Variants in MYLK observed in about 807,000 individuals in gnomAD.
The protein encoded by MYLK is myosin light chain kinase, smooth muscle.
In MYLK, 106 loss-of-function variants were observed where a neutral mutation model predicts 203.4. The ratio of observed to expected loss-of-function variants is 0.52; its 90% CI spans 0.45 to 0.61. The LOEUF is 0.61. MYLK is among the 20% of genes least tolerant of loss of function. The probability of loss-of-function intolerance (pLI) is 0.00; values close to 1 mark genes in which losing one functional copy is unlikely to be tolerated. For missense variants in MYLK, 2,072 were observed against 2,442.3 expected, an observed-to-expected ratio of 0.85 and a Z score of 3.20; for synonymous variants, 867 against 959.5, an observed-to-expected ratio of 0.90 and a Z score of 1.78.
In MYLK at chr3:123,614,278, C is replaced by A. The variant is rs1235715327; in HGVS notation, c.5572G>T (p.Asp1858Tyr). The part of the protein sequence containing the change: ...SIRESRHFQI[D>Y]YDEDGNCSLI... ...GAGCAGTTCCCGTCCTCATCGTAGT[C>A]TATCTGGAAGTGGCGGGACTCCCTG... is the stretch of plus-strand genomic sequence containing the variant. The change falls in exon 34 of 34, where the codon GAC becomes TAC. Residue 1858 changes from aspartate (D) to tyrosine (Y), a missense_variant. Coordinates refer to ENST00000360304, the MANE Select transcript of MYLK (RefSeq NM_053025.4). 5 of 1,614,164 alleles carry A rather than the reference C, an allele frequency of 3.1e-6. No individual in the cohort carries two copies. In the Admixed American group the frequency reaches 8.3e-5, roughly 27 times the overall value.
chr3:123,831,429 T>C (rs899877292), intron 3 of MYLK, 119 bp downstream of exon 3: 2 of 1,289,484 alleles, frequency 1.6e-6, no homozygotes, highest in Admixed American at 2.3e-5. Flanking sequence ...CCATCTCACC[T>C]TGGGGGCAGC....
intron 2 of MYLK, among the ~76,000 whole-genome samples, chr3:123,843,507 G>T (rs1251839573): frequency 1.3e-5 from 2 of 152,174 alleles, no homozygotes; most frequent in African/African-American, 4.8e-5. Flanking sequence ...AGGTAAGGTG[G>T]CTGGCTTTAC....
At chr3:123,778,776 T>C (rs1483517615) in intron 4 of MYLK, among the ~76,000 whole-genome samples, 1 of 152,200 alleles carries the variant, frequency 6.6e-6, no homozygotes, top group East Asian at 1.9e-4. Flanking sequence ...GAGTGGCTCA[T>C]AGAAGAACCT....
chr3:123,702,301 C>T lies in MYLK; in HGVS notation c.2391-792G>A, dbSNP rs140745512. Among the ~76,000 whole-genome samples the T allele has an allele frequency of 3.6e-3, 546 of 152,298 alleles. 7 individuals are homozygous for T. The highest frequency in any genetic ancestry group is 0.027 in the Middle Eastern group (8 of 294). On this transcript the variant is annotated intron_variant, in intron 16 of 33. Transcript: ENST00000360304. ...TCTGACCAGACAAGAAGGTTCTGCT[C>T]AGGCTAGGGGAAGGGGTGGGGGCAG...
intron 29 of MYLK, 45 bp downstream of exon 29, chr3:123,638,026 G>T: frequency 6.2e-7 from 1 of 1,612,306 alleles, no homozygotes. Flanking sequence ...CCACCCACTG[G>T]TCCACCAAGT....
intron 11 of MYLK, among the ~76,000 whole-genome samples, chr3:123,727,603 A>G (rs765791774): frequency 6.6e-6 from 1 of 152,172 alleles, no homozygotes; most frequent in Non-Finnish European, 1.5e-5. Context: ...GTTAGCTGTT[A>G]TTATCAAGTA....
At position 123,647,411 on chromosome 3, in the gene MYLK, C is replaced by T; in HGVS notation, c.4432G>A (p.Val1478Ile). 1 of 1,614,206 alleles carries T rather than the reference C, an allele frequency of 6.2e-7. No individual in the cohort carries two copies. The highest frequency in any genetic ancestry group is 1.1e-5 in the South Asian group (1 of 91,082). ...GTTTTCTTTTCTACAAGTCGAAAGA[C>T]CTGTCCAAATTTCCCACTGCAAATG... ...ERLGSGKFGQ[V>I]FRLVEKKTRK... Residue 1478 changes from valine to isoleucine, a missense_variant, in exon 27 of 34, where the codon GTC becomes ATC. By Grantham distance (29) the Val-to-Ile change is conservative (BLOSUM62 3). Transcript: ENST00000360304.
In MYLK at chr3:123,629,693, C is replaced by T; in HGVS notation, c.4962-67G>A. 4 of 1,589,024 alleles carry T rather than the reference C, an allele frequency of 2.5e-6. No individual in the cohort carries two copies. Among genetic ancestry groups the T allele is most frequent in the Non-Finnish European group, 3.4e-6 (4 of 1,159,518 alleles). ...GGCGCGACGACCAGGTGAGTGGTAACTGAGGTCAAAGGCGAGGGTCGGCCA... is the reference window on the plus strand; with the variant it reads ...GGCGCGACGACCAGGTGAGTGGTAATTGAGGTCAAAGGCGAGGGTCGGCCA... On this transcript the variant is annotated intron_variant, in intron 29 of 33. Coordinates refer to ENST00000360304, the MANE Select transcript of MYLK (RefSeq NM_053025.4). This position sits in a 1 kb window ranked among gnomAD's most constrained non-coding sequence, Gnocchi z 4.4.
chr3:123,840,523 A>C (rs1300341650), intron 2 of MYLK, among the ~76,000 whole-genome samples: 1 of 151,550 alleles, frequency 6.6e-6, no homozygotes, highest in Non-Finnish European at 1.5e-5. Flanking sequence ...CAAAATTCCC[A>C]CAAGAAGAAA....
At position 123,733,089 on chromosome 3, in the gene MYLK, T is replaced by C; in HGVS notation, c.1323A>G (p.Pro441=). Residue 441 remains proline, a synonymous_variant, in exon 11 of 34, where the codon CCA becomes CCG. Coordinates refer to ENST00000360304, the MANE Select transcript of MYLK (RefSeq NM_053025.4). ...CCAGGAACCAGGCCACTTCAGGCTT[T>C]GGAATCCCGGAAACTACAGGGCCAG... ...VKFRCEVSGI[P]KPEVAWFLEG... The C allele has an allele frequency of 6.2e-7, 1 of 1,613,900 alleles. No individual in the cohort carries two copies. The highest frequency in any genetic ancestry group is 8.5e-7 in the Non-Finnish European group (1 of 1,179,954).
At chr3:123,854,292 G>C (rs2031146145) in intron 2 of MYLK, among the ~76,000 whole-genome samples, 1 of 151,654 alleles carries the variant, frequency 6.6e-6, no homozygotes, top group African/African-American at 2.4e-5. Flanking sequence ...AACCCTCTGG[G>C]TACAATTGAT....
chr3:123,680,175 G>A (rs528774316), intron 20 of MYLK, among the ~76,000 whole-genome samples: 1 of 152,284 alleles, frequency 6.6e-6, no homozygotes, highest in African/African-American at 2.4e-5. Flanking sequence ...GGTTTCCACA[G>A]CCTTCTGTTC....
chr3:123,842,249 A>T (rs986161367), intron 2 of MYLK, among the ~76,000 whole-genome samples: 2 of 152,048 alleles, frequency 1.3e-5, no homozygotes, highest in Admixed American at 6.6e-5. Flanking sequence ...AATTAATATC[A>T]GACAAAAGAC....
intron 29 of MYLK, among the ~76,000 whole-genome samples, chr3:123,635,380 C>T (rs926379148): frequency 1.3e-5 from 2 of 152,216 alleles, no homozygotes; most frequent in African/African-American, 2.4e-5. Flanking sequence ...CCTGGCTTGC[C>T]GGGGGAACTC....
chr3:123,699,907 G>T (rs2061111077), intron 18 of MYLK, 113 bp downstream of exon 18: 1 of 1,436,922 alleles, frequency 7.0e-7, no homozygotes, highest in South Asian at 1.2e-5. Context: ...GCTAAACCAG[G>T]TTAGCAGCCT....
chr3:123,627,171 G>C (rs1190739437), intron 30 of MYLK, among the ~76,000 whole-genome samples: 1 of 152,216 alleles, frequency 6.6e-6, no homozygotes, highest in African/African-American at 2.4e-5. Flanking sequence ...GAAAGCCCAA[G>C]CACCAAGGAA....
intron 3 of MYLK, among the ~76,000 whole-genome samples, chr3:123,809,282 T>A (rs890028548): frequency 6.6e-6 from 1 of 152,118 alleles, no homozygotes; most frequent in African/African-American, 2.4e-5. Flanking sequence ...CCCAGCACTT[T>A]GGGAGGCCAA....
chr3:123,858,343 C>G (rs1317859537), intron 2 of MYLK, among the ~76,000 whole-genome samples: 2 of 152,174 alleles, frequency 1.3e-5, no homozygotes, highest in Non-Finnish European at 2.9e-5. Flanking sequence ...CACCCATTCC[C>G]TTTGTCTCTT....
chr3:123,632,910 C>T (rs866082177), intron 29 of MYLK, among the ~76,000 whole-genome samples: 1 of 151,664 alleles, frequency 6.6e-6, no homozygotes, highest in South Asian at 2.1e-4. Context: ...ATCCTTCCAC[C>T]TCAGTCTCCT....
Sources: gnomAD v4.1 joint callset for allele counts (sites outside exome capture counted in the v4.1 genomes callset) on GRCh38, gnomAD v4.1.1 for gene constraint, Gnocchi (gnomAD v3.1) non-coding constraint, MANE v1.5 for transcripts, NCBI Gene and HGNC (gene_info 2026-07-23, HGNC 2026-07-21) for gene names.